The following PUDP variants were observed in gnomAD, a reference collection of about 807,000 sequenced individuals.
PUDP encodes the protein pseudouridine 5'-phosphatase.
A neutral mutation model predicts 9.4 loss-of-function variants in PUDP; 8 were observed. The observed-to-expected ratio is 0.85, with a 90% CI of 0.50 to 1.53. PUDP has a LOEUF of 1.53. PUDP is among the 40% of genes most tolerant of loss of function. The pLI is 0.00. For synonymous variants in PUDP, 99 were observed against 80.7 expected, an observed-to-expected ratio of 1.23 and a Z score of -1.22; for missense variants, 188 against 189.7, an observed-to-expected ratio of 0.99 and a Z score of 0.05.
chrX:6,998,300 G>T (rs1929277774), intron 1 of PUDP, among the ~76,000 whole-genome samples: 1 of 111,442 alleles, frequency 9.0e-6, no homozygotes, highest in Non-Finnish European at 1.9e-5. Flanking sequence ...AAGAAACCAG[G>T]AATGGAAAAG....
At chrX:7,073,646 C>T (rs1469676840) in intron 3 of PUDP, among the ~76,000 whole-genome samples, 2 of 112,769 alleles carry the variant, frequency 1.8e-5, no homozygotes, top group African/African-American at 6.5e-5. Context: ...ATGCCAAGTA[C>T]AAAACCAGGG....
rs138352690 is a variant in PUDP, at chrX:7,118,779, G to A, written c.62-12941C>T. Reference sequence around the variant, plus strand: ...ATTCAAATCATAGATGAAAAATCTCGAGAAGCCAGATATCCCGGGTATGCA... The same window carrying A: ...ATTCAAATCATAGATGAAAAATCTCAAGAAGCCAGATATCCCGGGTATGCA... On this transcript the variant is annotated intron_variant, in intron 1 of 3. Coordinates refer to ENST00000381077, the MANE Select transcript of PUDP (RefSeq NM_012080.5). 5.7e-3 allele frequency among the ~76,000 whole-genome samples: 637 copies of A among 111,606 alleles called. 7 individuals carry two copies. The highest frequency in any genetic ancestry group is 0.019 in the African/African-American group (598 of 30,697).
chrX:6,991,676 C>CAA (rs5901333), intron 1 of PUDP, among the ~76,000 whole-genome samples: 9,598 of 85,609 alleles, frequency 0.11, 573 homozygotes, highest in Middle Eastern at 0.18. Flanking sequence ...GACCTTGTCT[C>CAA]AAAAAAAAAA....
chrX:7,136,468 T>C (rs1458931195), intron 1 of PUDP, among the ~76,000 whole-genome samples: 1 of 112,256 alleles, frequency 8.9e-6, no homozygotes, highest in African/African-American at 3.2e-5. Flanking sequence ...TGACAATGCT[T>C]GTGGGAACCA....
chrX:6,978,864 C>T (rs1347946252), intron 1 of PUDP, among the ~76,000 whole-genome samples: 1 of 111,721 alleles, frequency 9.0e-6, no homozygotes. Flanking sequence ...TTCCCAAGTC[C>T]ATTCACCAGC....
At chrX:6,720,254 GTGTGTATATATATATA>G (rs1350727591) in intron 1 of PUDP, among the ~76,000 whole-genome samples, 1 of 39,500 alleles carries the variant, frequency 2.5e-5, no homozygotes, top group African/African-American at 1.5e-4. Flanking sequence ...ATGTGTGTGT[GTGTGTATATATATATA>G]TATATATATA....
chrX:6,809,399 G>A lies in PUDP; in HGVS notation c.*248-102933C>T, dbSNP rs780630684. On this transcript the variant is annotated intron_variant and NMD_transcript_variant, in intron 3 of 3. Coordinates refer to the PUDP transcript ENST00000655425. ...TACAGCCTCAAACTCCTATGCTCAA[G>A]GGAGCATAGGAGTTTGCTCCCCAGT... Among the ~76,000 whole-genome samples, 283 of 109,196 alleles carry A rather than the reference G, an allele frequency of 2.6e-3. 1 individual carries two copies. The highest frequency in any genetic ancestry group is 9.1e-3 in the African/African-American group (273 of 30,017). 94.8% of individuals were successfully genotyped at this position (109,196 alleles called of 115,157 possible).
intron 3 of PUDP, among the ~76,000 whole-genome samples, chrX:6,954,982 C>G (rs867775247): frequency 4.7e-5 from 1 of 21,428 alleles, no homozygotes; most frequent in Non-Finnish European, 1.1e-4. Flanking sequence ...GACCCTGCCC[C>G]CCTACATTCC....
chrX:7,055,027 A>T (rs1278258653), intron 3 of PUDP, among the ~76,000 whole-genome samples: 1 of 110,943 alleles, frequency 9.0e-6, no homozygotes, highest in Admixed American at 9.6e-5. Context: ...GACATCAAAC[A>T]TGAGTCCTGA....
rs760948466 is a variant in PUDP, at chrX:6,793,764, G to A, written c.*248-87298C>T. Among the ~76,000 whole-genome samples, 582 of 109,490 alleles carry A rather than the reference G, an allele frequency of 5.3e-3. 6 individuals carry two copies. The highest frequency in any genetic ancestry group is 8.4e-3 in the Non-Finnish European group (430 of 51,393). ...GTTCAGACTGAGGCAAGAAAAGACG[G>A]TAAAGATTGCTATGAGGAATAGAAA... On this transcript the variant is annotated intron_variant and NMD_transcript_variant, in intron 3 of 3. Coordinates refer to the PUDP transcript ENST00000655425.
At chrX:6,721,199 T>C (rs1325397913) in intron 1 of PUDP, among the ~76,000 whole-genome samples, 1 of 111,693 alleles carries the variant, frequency 9.0e-6, no homozygotes, top group Non-Finnish European at 1.9e-5. Flanking sequence ...ATGAAAAAAA[T>C]GAAGAAAAAC....
chrX:7,148,039 TG>T lies in PUDP; in HGVS notation c.61+13del, dbSNP rs770675932. ...GACCGCCCTTACTGGAGGCGGCGGCTGCACACTACCCACCCAGAAGAAGTCC... is the reference window on the plus strand; with the variant it reads ...GACCGCCCTTACTGGAGGCGGCGGCTCACACTACCCACCCAGAAGAAGTCC... On this transcript the variant is annotated intron_variant, in intron 1 of 3. Transcript: ENST00000381077. 490 of 1,130,334 alleles carry T rather than the reference TG, an allele frequency of 4.3e-4. 1 individual carries two copies. In the African/African-American group the frequency reaches 7.7e-3, roughly 18 times the overall value. The allele number at this position is 1,130,334 out of a possible 1,213,427, so 93.2% of individuals were successfully genotyped here.
rs748567599 is a variant in PUDP at position 6,931,179 on chromosome X, T to C, written c.*247+45954A>G. 5.4e-5 allele frequency among the ~76,000 whole-genome samples: 6 copies of C among 111,290 alleles called. No homozygotes were observed. The South Asian group carries it at 2.3e-3, about 42-fold the overall frequency. On this transcript the variant is annotated intron_variant and NMD_transcript_variant, in intron 3 of 3. Transcript: ENST00000655425. ...CACACACGTTCCATCTCTGCATTGA[T>C]TGGAATTATTATTAGCGCCAGGACC...
chrX:6,855,434 T>C (rs1926891007), intron 3 of PUDP, among the ~76,000 whole-genome samples: 1 of 111,608 alleles, frequency 9.0e-6, no homozygotes, highest in Admixed American at 9.5e-5. Flanking sequence ...CCCTAACCTC[T>C]GCAATTTGCT....
chrX:6,929,183 A>G lies in PUDP; in HGVS notation c.*247+47950T>C, dbSNP rs137869509. On this transcript the variant is annotated intron_variant and NMD_transcript_variant, in intron 3 of 3. Transcript: ENST00000655425. ...GTTAAATTTGAATGTCAGATAAACA[A>G]CTGTCAATGAAAAGAGTCAAACTCT... Among the ~76,000 whole-genome samples the G allele has an allele frequency of 6.7e-3, 756 of 112,665 alleles. 8 individuals carry two copies. Among genetic ancestry groups the G allele is most frequent in the African/African-American group, 0.023 (709 of 31,052 alleles).
intron 3 of PUDP, among the ~76,000 whole-genome samples, chrX:6,819,956 T>C (rs1926311797): frequency 9.1e-6 from 1 of 110,483 alleles, no homozygotes; most frequent in Admixed American, 9.7e-5. Flanking sequence ...TCCACAAATC[T>C]ACCATCCAGA....
intron 3 of PUDP, among the ~76,000 whole-genome samples, chrX:6,976,993 A>G (rs923579853): frequency 2.0e-4 from 22 of 112,487 alleles, no homozygotes; most frequent in African/African-American, 7.1e-4. Flanking sequence ...TTATTTGTAA[A>G]TGCCAATCAC....
chrX:6,920,280 T>C (rs908991323), intron 3 of PUDP, among the ~76,000 whole-genome samples: 6 of 111,343 alleles, frequency 5.4e-5, no homozygotes, highest in Admixed American at 9.6e-5. Context: ...TTCTTGGTCA[T>C]TGGTCATCAC....
intron 1 of PUDP, among the ~76,000 whole-genome samples, chrX:7,040,660 T>C (rs1929909608): frequency 8.9e-6 from 1 of 112,186 alleles, no homozygotes; most frequent in Non-Finnish European, 1.9e-5. Context: ...TGCAGCGTTC[T>C]ACTTTTAAGA....
Sources: allele counts gnomAD v4.1 joint callset (sites outside exome capture counted in the v4.1 genomes callset), GRCh38; gene constraint gnomAD v4.1.1; transcripts MANE v1.5; gene names NCBI Gene and HGNC (gene_info 2026-07-23, HGNC 2026-07-21).